Variants in TTC34 observed in about 807,000 individuals in gnomAD.
TTC34 encodes the protein tetratricopeptide repeat protein 34.
A neutral mutation model predicts 40.7 loss-of-function variants in TTC34; 44 were observed. The ratio of observed to expected loss-of-function variants is 1.08; its 90% CI spans 0.85 to 1.39. The LOEUF is 1.39. Ranked by LOEUF, TTC34 falls within the 40% of genes most tolerant of loss-of-function variation. TTC34 has a pLI of 0.00. For missense variants in TTC34, 884 were observed against 838.0 expected, an observed-to-expected ratio of 1.05 and a Z score of -0.68; for synonymous variants, 422 against 398.6, an observed-to-expected ratio of 1.06 and a Z score of -0.70.
At chr1:2,768,025 C>T (rs11578342) in intron 6 of TTC34, among the ~76,000 whole-genome samples, 1 of 148,932 alleles carries the variant, frequency 6.7e-6, no homozygotes, top group Non-Finnish European at 1.5e-5. Context: ...CATCTGACAG[C>T]ATAAAACAGC....
chr1:2,652,070 AGG>A (rs1639155222), intron 6 of TTC34, among the ~76,000 whole-genome samples: 4 of 47,656 alleles, frequency 8.4e-5, no homozygotes, highest in Non-Finnish European at 1.3e-4. Flanking sequence ...GACAGCCTGG[AGG>A]AGCACCCACA....
chr1:2,665,926 C>A (rs1352564488), intron 6 of TTC34, among the ~76,000 whole-genome samples: 1 of 44,470 alleles, frequency 2.2e-5, no homozygotes, highest in African/African-American at 5.7e-5. Flanking sequence ...GCAGCACCGA[C>A]AACCCCAGGT....
intron 6 of TTC34, among the ~76,000 whole-genome samples, chr1:2,753,799 T>C (rs1641409349): frequency 2.0e-5 from 2 of 102,252 alleles, no homozygotes; most frequent in Non-Finnish European, 1.8e-5. Flanking sequence ...CATCTGATGG[T>C]CTGGAGCATC....
intron 6 of TTC34, among the ~76,000 whole-genome samples, chr1:2,753,398 A>G (rs1431616813): frequency 1.7e-4 from 5 of 29,466 alleles, no homozygotes; most frequent in East Asian, 1.5e-3. Flanking sequence ...ATCTGACAGC[A>G]TGTAACAGCA....
intron 6 of TTC34, among the ~76,000 whole-genome samples, chr1:2,688,492 C>G (rs1398629662): frequency 6.9e-6 from 1 of 145,336 alleles, no homozygotes; most frequent in Non-Finnish European, 1.5e-5. Context: ...ACCCCACACC[C>G]ACAGGTGAGC....
chr1:2,699,252 C>T (rs1178090602), intron 6 of TTC34, among the ~76,000 whole-genome samples: 1 of 150,272 alleles, frequency 6.7e-6, no homozygotes, highest in Non-Finnish European at 1.5e-5. Flanking sequence ...CACCCATACC[C>T]CAAGGCGAGC....
At chr1:2,684,948 C>G (rs6662065) in intron 6 of TTC34, among the ~76,000 whole-genome samples, 36 of 103,018 alleles carry the variant, frequency 3.5e-4, no homozygotes, top group Middle Eastern at 5.1e-3. Context: ...GCCTGGAGCA[C>G]CACCCACACC....
intron 3 of TTC34, among the ~76,000 whole-genome samples, chr1:2,788,331 A>G: frequency 6.6e-6 from 1 of 150,488 alleles, no homozygotes. Context: ...TATGTGTGTT[A>G]TGTACATGTG....
At chr1:2,789,922 A>G (rs1325670937) in exon 3 of TTC34, 1 of 394,824 alleles carries the variant, frequency 2.5e-6, no homozygotes, top group Non-Finnish European at 4.5e-6. Context: ...CAGGGTCCTC[A>G]GGGCGTGCGG....
intron 8 of TTC34, among the ~76,000 whole-genome samples, chr1:2,643,558 C>A (rs1638956609): frequency 6.6e-6 from 1 of 152,172 alleles, no homozygotes; most frequent in Non-Finnish European, 1.5e-5. Context: ...CTTGGAAACG[C>A]CCAGTCCCTC....
At chr1:2,682,089 C>G (rs1426247535) in intron 6 of TTC34, among the ~76,000 whole-genome samples, 7 of 134,522 alleles carry the variant, frequency 5.2e-5, no homozygotes, top group African/African-American at 1.2e-4. Context: ...ATCTGACAGC[C>G]TGGAGCAGCA....
At chr1:2,688,794 A>C (rs1175675554) in intron 6 of TTC34, among the ~76,000 whole-genome samples, 1 of 26,704 alleles carries the variant, frequency 3.7e-5, no homozygotes, top group Non-Finnish European at 6.7e-5. Context: ...ATCTGACAGC[A>C]TGTAACAGCA....
chr1:2,687,965 A>T (rs1206531105), intron 6 of TTC34, among the ~76,000 whole-genome samples: 13 of 146,032 alleles, frequency 8.9e-5, no homozygotes, highest in African/African-American at 3.5e-4. Flanking sequence ...CAGCACGCGC[A>T]CCCCCAGGAG....
At chr1:2,677,775 C>A (rs1250683653) in intron 6 of TTC34, among the ~76,000 whole-genome samples, 18 of 128,182 alleles carry the variant, frequency 1.4e-4, no homozygotes, top group Middle Eastern at 5.0e-3. Flanking sequence ...CCCACACCCC[C>A]AGGTGAGCAT....
intron 6 of TTC34, among the ~76,000 whole-genome samples, chr1:2,692,266 CTCAGGTGAGCATCTGACAG>C (rs1640655068): frequency 6.4e-5 from 5 of 78,638 alleles, no homozygotes; most frequent in Admixed American, 1.2e-4. Flanking sequence ...CACCCACACC[CTCAGGTGAGCATCTGACAG>C]CCTGGAGCAG....
chr1:2,655,527 CGCACA>C (rs1639313630), intron 6 of TTC34, among the ~76,000 whole-genome samples: 1 of 145,390 alleles, frequency 6.9e-6, no homozygotes, highest in African/African-American at 2.6e-5. Context: ...TGGAGCAGCA[CGCACA>C]CCCCCAGTGA....
intron 6 of TTC34, among the ~76,000 whole-genome samples, chr1:2,759,598 C>T (rs1641624025): frequency 4.6e-5 from 7 of 152,082 alleles, no homozygotes; most frequent in Non-Finnish European, 7.4e-5. Context: ...AGCACCCACA[C>T]CGCCAGGCGA....
At chr1:2,650,712 A>T (rs1300059070) in intron 6 of TTC34, among the ~76,000 whole-genome samples, 1 of 144,220 alleles carries the variant, frequency 6.9e-6, no homozygotes. Context: ...ACACCCACAG[A>T]TGAGACTCTG....
At chr1:2,660,742 C>T (rs1427516660) in intron 6 of TTC34, among the ~76,000 whole-genome samples, 1 of 99,012 alleles carries the variant, frequency 1.0e-5, no homozygotes, top group African/African-American at 4.0e-5. Context: ...CGTGGAGCAG[C>T]ACCCCACACC....
Sources: allele counts gnomAD v4.1 joint callset (sites outside exome capture counted in the v4.1 genomes callset), GRCh38; gene constraint gnomAD v4.1.1; transcripts MANE v1.5; gene names NCBI Gene and HGNC (gene_info 2026-07-23, HGNC 2026-07-21).